The following ABCA10 variants were observed in gnomAD, a reference collection of about 807,000 sequenced individuals.
ABCA10 encodes the protein ATP-binding cassette sub-family A member 10.
A neutral mutation model predicts 187.5 loss-of-function variants in ABCA10; 169 were observed. The ratio of observed to expected loss-of-function variants is 0.90; its 90% CI spans 0.80 to 1.02. The LOEUF (loss-of-function observed/expected upper bound fraction) is 1.02. ABCA10 is among the 50% of genes least tolerant of loss of function. The probability of loss-of-function intolerance (pLI) is 0.00; values close to 1 mark genes in which losing one functional copy is unlikely to be tolerated. For missense variants in ABCA10, 1,727 were observed against 1,812.4 expected (o/e 0.95, Z 0.86); for synonymous variants, 574 against 601.8 (o/e 0.95, Z 0.68).
In ABCA10 at chr17:69,152,543, A is replaced by G. The variant is rs530682301; in HGVS notation, c.4137-62T>C. The G allele has an allele frequency of 3.2e-6, 5 of 1,545,174 alleles. No individual in the cohort carries two copies. In the South Asian group the frequency reaches 6.3e-5, roughly 19 times the overall value. On this transcript the variant is annotated intron_variant, in intron 34 of 38. Coordinates refer to ENST00000690296, the MANE Select transcript of ABCA10 (RefSeq NM_001377321.1). ...GTAATTTGGGGAAATAGATAAATAG[A>G]AAAAAGCAGGAAATCTAAAGAGAAA...
chr17:69,228,722 T>A lies in ABCA10; in HGVS notation c.-454A>T, dbSNP rs1162205798. 1 of 152,012 alleles carries A rather than the reference T, an allele frequency of 6.6e-6. No individual in the cohort carries two copies. The highest frequency in any genetic ancestry group is 1.9e-4 in the East Asian group (1 of 5,186). 9.4% of individuals were successfully genotyped at this position (152,012 alleles called of 1,614,324 possible). ...AACTGTTTTGATTCAGCTTGGCTTC[T>A]GAAAAGCCATGGTCTGTGTGTAGAA... On this transcript the variant is annotated 5_prime_UTR_variant, in exon 1 of 39. Transcript: ENST00000690296.
intron 12 of ABCA10, 110 bp from the exon 13 acceptor site, chr17:69,194,099 A>C: frequency 9.5e-7 from 1 of 1,057,086 alleles, no homozygotes; most frequent in South Asian, 1.7e-5. Flanking sequence ...TTATTAAAGA[A>C]ACTTCACATT....
intron 20 of ABCA10, among the ~76,000 whole-genome samples, chr17:69,183,522 G>C (rs975868603): frequency 1.3e-5 from 2 of 152,150 alleles, no homozygotes; most frequent in Non-Finnish European, 2.9e-5. Flanking sequence ...GGCTCCATGA[G>C]ACAGCTGAAA....
In ABCA10 at chr17:69,175,521, A is replaced by C; in HGVS notation, c.2770-8T>G. On this transcript the variant is annotated splice_polypyrimidine_tract_variant and splice_region_variant and intron_variant, in intron 22 of 38. Transcript: ENST00000690296. ...ATCCAGCACTATGTCATCCTGAAAGATGAAAACACATCAGTAAGCTGTTGC... is the reference window on the plus strand; with the variant it reads ...ATCCAGCACTATGTCATCCTGAAAGCTGAAAACACATCAGTAAGCTGTTGC... 6.3e-7 allele frequency: 1 copy of C among 1,580,280 alleles called. No individual in the cohort carries two copies.
chr17:69,174,023 C>G (rs2074315174), intron 25 of ABCA10, among the ~76,000 whole-genome samples: 1 of 151,844 alleles, frequency 6.6e-6, no homozygotes, highest in East Asian at 1.9e-4. Context: ...TGCCATGGTT[C>G]CTACATATAT....
rs769577019 is a variant in ABCA10 at position 69,149,971 on chromosome 17, T to C, written c.4477+13A>G. 7.6e-6 allele frequency: 12 copies of C among 1,582,136 alleles called. No individual in the cohort carries two copies. Among genetic ancestry groups the C allele is most frequent in the South Asian group, 1.1e-5 (1 of 89,252 alleles). ...CAATACATAAAGTCTTATTTATATA[T>C]ACCCAAACTTACTCGCCTCTAACTT... On this transcript the variant is annotated intron_variant, in intron 37 of 38. Coordinates refer to ENST00000690296, the MANE Select transcript of ABCA10 (RefSeq NM_001377321.1).
chr17:69,189,344 T>C (rs1006161429), intron 18 of ABCA10, among the ~76,000 whole-genome samples: 1 of 152,220 alleles, frequency 6.6e-6, no homozygotes, highest in Non-Finnish European at 1.5e-5. Flanking sequence ...GAAGTATCTG[T>C]TCATGTCCTT....
Position 69,201,630 on chromosome 17 carries a change from T to G in ABCA10, c.1045A>C (p.Lys349Gln). ...TGATGTTTGGACCAAAATGAGGACTTAAGGAAAAATAATGGAGAATCCCCA... is the reference window on the plus strand; with the variant it reads ...TGATGTTTGGACCAAAATGAGGACTGAAGGAAAAATAATGGAGAATCCCCA... The part of the protein sequence containing the change: ...GHGDSPLFFL[K>Q]SSFWSKHQNT... The change falls in exon 10 of 39, where the codon AAG becomes CAG. Residue 349 changes from lysine (K) to glutamine (Q), a missense_variant. Physicochemically the swap from Lys to Gln is moderately conservative, Grantham distance 53. Coordinates refer to ENST00000690296, the MANE Select transcript of ABCA10 (RefSeq NM_001377321.1). 1 of 1,607,932 alleles carries G rather than the reference T, an allele frequency of 6.2e-7. No individual in the cohort carries two copies. Among genetic ancestry groups the G allele is most frequent in the Non-Finnish European group, 8.5e-7 (1 of 1,178,332 alleles).
chr17:69,199,558 G>A (rs2074528990), intron 10 of ABCA10, among the ~76,000 whole-genome samples: 2 of 152,152 alleles, frequency 1.3e-5, no homozygotes, highest in Admixed American at 6.5e-5. Context: ...GGCTAGAACT[G>A]TCACAATTAT....
chr17:69,209,403 C>T (rs921382171), intron 9 of ABCA10, among the ~76,000 whole-genome samples: 1 of 152,124 alleles, frequency 6.6e-6, no homozygotes, highest in African/African-American at 2.4e-5. Flanking sequence ...AGAAATTACT[C>T]ATATGAACAT....
intron 1 of ABCA10, among the ~76,000 whole-genome samples, chr17:69,235,591 C>T (rs1239061910): frequency 6.6e-6 from 1 of 152,042 alleles, no homozygotes; most frequent in Admixed American, 6.6e-5. Context: ...CTCAAGCGGC[C>T]TTACCCCACC....
Position 69,187,683 on chromosome 17 carries a change from A to C in ABCA10, c.2328T>G (p.Cys776Trp), listed in dbSNP as rs754172297. The C allele has an allele frequency of 1.2e-6, 2 of 1,613,322 alleles. No individual in the cohort carries two copies. The highest frequency in any genetic ancestry group is 1.7e-6 in the Non-Finnish European group (2 of 1,179,374). Residue 776 changes from cysteine (C) to tryptophan (W), a missense_variant and splice_region_variant, in exon 19 of 39, where the codon TGT (cysteine) becomes TGG (tryptophan). Coordinates refer to ENST00000690296, the MANE Select transcript of ABCA10 (RefSeq NM_001377321.1). ...ATATAAAGTAATCTGATACTCACAAACACAAAAGAGCTCTCCTTTCACGCC... is the reference window on the plus strand; with the variant it reads ...ATATAAAGTAATCTGATACTCACAACCACAAAAGAGCTCTCCTTTCACGCC... ...KLRRERRALL[C>W]LLLVLGIAFI...
chr17:69,243,647 C>T (rs779147962), intron 1 of ABCA10, among the ~76,000 whole-genome samples: 10 of 152,140 alleles, frequency 6.6e-5, no homozygotes, highest in African/African-American at 4.8e-5. Flanking sequence ...CCTGTAATTC[C>T]GACACTTTGG....
At chr17:69,165,167 G>T in intron 25 of ABCA10, 84 bp from the exon 26 acceptor site, 1 of 1,141,552 alleles carries the variant, frequency 8.8e-7, no homozygotes, top group Non-Finnish European at 1.2e-6. Context: ...CTGTTTTCCT[G>T]GGAGATACTG....
chr17:69,235,747 CTG>C (rs2074864601), intron 1 of ABCA10, among the ~76,000 whole-genome samples: 1 of 151,296 alleles, frequency 6.6e-6, no homozygotes, highest in South Asian at 2.1e-4. Flanking sequence ...GGATTAGAAA[CTG>C]TATCTCTCAT....
intron 9 of ABCA10, among the ~76,000 whole-genome samples, chr17:69,204,073 G>A (rs931697822): frequency 6.6e-6 from 1 of 152,244 alleles, no homozygotes; most frequent in African/African-American, 2.4e-5. Flanking sequence ...TTATCACCAG[G>A]CACCTATAGA....
chr17:69,211,328 T>G (rs1425675422), intron 9 of ABCA10, among the ~76,000 whole-genome samples: 2 of 97,880 alleles, frequency 2.0e-5, no homozygotes, highest in African/African-American at 1.7e-4. Flanking sequence ...TATATATATA[T>G]ATATATATAT....
At chr17:69,171,610 C>T (rs1431838985) in intron 25 of ABCA10, among the ~76,000 whole-genome samples, 1 of 151,996 alleles carries the variant, frequency 6.6e-6, no homozygotes, top group African/African-American at 2.4e-5. Flanking sequence ...TCCAGGCATC[C>T]CAATTTATAC....
Position 69,185,525 on chromosome 17 carries a change from G to T in ABCA10, c.2449C>A (p.Gln817Lys). The stretch of plus-strand genomic sequence containing the variant: ...CTGGTAAGAGGCGTCTTCGGGATTT[G>T]TTCCAGAGAAAGGAAATACATACTG... The part of the protein sequence containing the change: ...SPSMYFLSLE[Q>K]IPKTPLTSLL... Residue 817 changes from glutamine to lysine, a missense_variant, in exon 20 of 39, where the codon CAA (glutamine) becomes AAA (lysine). Transcript: ENST00000690296. The T allele has an allele frequency of 6.2e-7, 1 of 1,613,612 alleles. No individual in the cohort carries two copies. Among genetic ancestry groups the T allele is most frequent in the Non-Finnish European group, 8.5e-7 (1 of 1,179,712 alleles).
Sources: allele counts gnomAD v4.1 joint callset (sites outside exome capture counted in the v4.1 genomes callset), GRCh38; gene constraint gnomAD v4.1.1; transcripts MANE v1.5; gene names NCBI Gene and HGNC (gene_info 2026-07-23, HGNC 2026-07-21).